Variants in GLB1 observed in about 807,000 individuals in gnomAD.
GLB1 encodes beta-galactosidase.
In GLB1, 56 loss-of-function variants were observed where a neutral mutation model predicts 74.0. That is an observed-to-expected ratio of 0.76 (90% CI 0.61 to 0.94). The LOEUF is 0.94. GLB1 is among the 40% of genes least tolerant of loss of function. The pLI is 0.00. For missense variants in GLB1, 787 were observed against 845.5 expected (o/e 0.93, Z 0.86); for synonymous variants, 323 against 323.6 (o/e 1.00, Z 0.02).
intron 15 of GLB1, among the ~76,000 whole-genome samples, chr3:32,998,584 T>G (rs1354269639): frequency 2.6e-5 from 4 of 151,050 alleles, no homozygotes; most frequent in Non-Finnish European, 4.4e-5. Context: ...GATGGACCAT[T>G]CTATTACAAA....
intron 7 of GLB1, 143 bp downstream of exon 7, chr3:33,053,348 T>C (rs1177954334): frequency 8.6e-7 from 1 of 1,158,944 alleles, no homozygotes; most frequent in Non-Finnish European, 1.3e-6. Context: ...GTCATTCACA[T>C]GTCCAGAATG....
chr3:32,993,529 T>A (rs1696260524), downstream of GLB1, among the ~76,000 whole-genome samples: 1 of 129,248 alleles, frequency 7.7e-6, no homozygotes, highest in Non-Finnish European at 1.7e-5. Context: ...CTAATTTTTT[T>A]TTTTTTTTTT....
At chr3:33,055,433 T>C (rs989165876) in intron 6 of GLB1, among the ~76,000 whole-genome samples, 1 of 151,010 alleles carries the variant, frequency 6.6e-6, no homozygotes, top group African/African-American at 2.4e-5. Flanking sequence ...GCAAAAGTAA[T>C]TGTGGTTTTT....
At position 33,065,467 on chromosome 3, in the gene GLB1, A is replaced by G; in HGVS notation, c.548T>C (p.Val183Ala). 2 of 1,578,812 alleles carry G rather than the reference A, an allele frequency of 1.3e-6. No homozygotes were observed. Among genetic ancestry groups the G allele is most frequent in the Non-Finnish European group, 1.7e-6 (2 of 1,159,040 alleles). Residue 183 changes from valine (V) to alanine (A), a missense_variant, in exon 5 of 16, where the codon GTG (valine) becomes GCG (alanine). Physicochemically the swap from Val to Ala is moderately conservative, Grantham distance 64. Coordinates refer to ENST00000307363, the MANE Select transcript of GLB1 (RefSeq NM_000404.4). ...LYQNGGPVIT[V>A]QVENEYGSYF... The stretch of plus-strand genomic sequence containing the variant: ...CATGCTCAACTCCAGGGTTACCTGC[A>G]CTGTTATAACTGGCCCTCCATTCTG...
chr3:33,091,496 CCTGTGCCCAA>C, intron 1 of GLB1: 1 of 985,500 alleles, frequency 1.0e-6, no homozygotes, highest in Non-Finnish European at 1.2e-6. Flanking sequence ...CCTCTGGGCA[CCTGTGCCCAA>C]CAGAGTTCCT....
At chr3:33,030,531 T>C (rs1388066914) in intron 10 of GLB1, 13 of 985,332 alleles carry the variant, frequency 1.3e-5, no homozygotes, top group African/African-American at 1.7e-5. Flanking sequence ...CAGCTGTGTC[T>C]GCGTATCAAG....
At chr3:33,091,400 C>T in intron 1 of GLB1, 1 of 985,546 alleles carries the variant, frequency 1.0e-6, no homozygotes, top group Non-Finnish European at 1.2e-6. Flanking sequence ...AAACCCCTAG[C>T]AGTTGCTGCT....
At chr3:32,964,713 T>G in the GLB1 span, among the ~76,000 whole-genome samples, 1 of 152,286 alleles carries the variant, frequency 6.6e-6, no homozygotes. Flanking sequence ...CCAAGAGAAA[T>G]GAAAACTTTG....
At chr3:32,987,392 T>A in the GLB1 span, among the ~76,000 whole-genome samples, 3,300 of 152,338 alleles carry the variant, frequency 0.022, 52 homozygotes, top group Non-Finnish European at 0.036. Context: ...GAAAGTAGTC[T>A]CCTTGCTTAC....
At position 33,033,938 on chromosome 3, in the gene GLB1, A is replaced by G. The variant is rs190970129; in HGVS notation, c.1069-9613T>C. The G allele has an allele frequency of 7.2e-6, 4 of 552,112 alleles. No individual in the cohort carries two copies. In the East Asian group the frequency reaches 1.9e-4, roughly 26 times the overall value. 34.2% of individuals were successfully genotyped at this position (552,112 alleles called of 1,614,324 possible). A position where few individuals can be genotyped will look rare whatever the true frequency, so the allele number is the denominator to read the frequency against. On this transcript the variant is annotated intron_variant, in intron 10 of 15. Coordinates refer to ENST00000307363, the MANE Select transcript of GLB1 (RefSeq NM_000404.4). ...TGATGCCCAGATGGACTACTATGGC[A>G]CCCGCCTGGCAACCTGCTCATCAGA...
intron 15 of GLB1, among the ~76,000 whole-genome samples, chr3:33,008,969 A>C (rs2125456515): frequency 6.6e-6 from 1 of 152,002 alleles, no homozygotes; most frequent in African/African-American, 2.4e-5. Context: ...AAAATACAAA[A>C]TTAGCCAGGC....
At chr3:33,052,369 C>T (rs894783422) in intron 7 of GLB1, among the ~76,000 whole-genome samples, 1 of 152,202 alleles carries the variant, frequency 6.6e-6, no homozygotes, top group Non-Finnish European at 1.5e-5. Flanking sequence ...CGCAGTGGCT[C>T]ATGCCTGTAA....
At chr3:33,069,004 T>C (rs774804212) in intron 2 of GLB1, 34 bp from the exon 3 acceptor site, 34 of 1,613,972 alleles carry the variant, frequency 2.1e-5, no homozygotes, top group South Asian at 1.3e-4. Flanking sequence ...TCCTGGATAC[T>C]TGGCAGAGTC....
At position 33,072,587 on chromosome 3, in the gene GLB1, G is replaced by C. The variant is rs72555370; in HGVS notation, c.202C>G (p.Arg68Gly). The change falls in exon 2 of 16, where the codon CGG becomes GGG. Residue 68 changes from arginine to glycine, a missense_variant. Physicochemically the swap from Arg to Gly is moderately radical, Grantham distance 125. Transcript: ENST00000307363. Reference sequence around the variant, plus strand: ...CCAGCCATCTTCATCTTCAGCAGCCGGTCCTTCCAGTAGAAGCGGGGCACA... The same window carrying C: ...CCAGCCATCTTCATCTTCAGCAGCCCGTCCTTCCAGTAGAAGCGGGGCACA... The part of the protein sequence containing the change: ...SRVPRFYWKD[R>G]LLKMKMAGLN... 23 of 1,613,962 alleles carry C rather than the reference G, an allele frequency of 1.4e-5. No homozygotes were observed. Among genetic ancestry groups the C allele is most frequent in the Non-Finnish European group, 1.9e-5 (23 of 1,180,042 alleles).
At position 33,064,776 on chromosome 3, in the gene GLB1, C is replaced by CA. The variant is rs36181668; in HGVS notation, c.552+686dup. Among the ~76,000 whole-genome samples the CA allele has an allele frequency of 5.0e-4, 32 of 64,558 alleles. 3 individuals carry two copies. The highest frequency in any genetic ancestry group is 2.8e-3 in the East Asian group (5 of 1,770). 42.4% of individuals were successfully genotyped at this position (64,558 alleles called of 152,430 possible). A position where few individuals can be genotyped will look rare whatever the true frequency, so the allele number is the denominator to read the frequency against. On this transcript the variant is annotated intron_variant, in intron 5 of 15. Coordinates refer to ENST00000307363, the MANE Select transcript of GLB1 (RefSeq NM_000404.4). ...TGGGCAACGGAATGAGACTCTCTCTCAAAAAAAAAAAAAAAAAAAAAAGAG... is the reference window on the plus strand; with the variant it reads ...TGGGCAACGGAATGAGACTCTCTCTCAAAAAAAAAAAAAAAAAAAAAAAGAG...
At chr3:32,972,650 C>A in the GLB1 span, among the ~76,000 whole-genome samples, 1 of 152,172 alleles carries the variant, frequency 6.6e-6, no homozygotes, top group Non-Finnish European at 1.5e-5. Context: ...AGACATCAGC[C>A]ACTGCTGTTT....
chr3:33,022,135 AT>A (rs1251487694), intron 11 of GLB1, among the ~76,000 whole-genome samples: 1 of 152,154 alleles, frequency 6.6e-6, no homozygotes, highest in East Asian at 1.9e-4. Context: ...TGTGTGGCAT[AT>A]CTTCCATGCC....
At chr3:33,030,350 G>A (rs1342796125) in intron 10 of GLB1, among the ~76,000 whole-genome samples, 1 of 152,238 alleles carries the variant, frequency 6.6e-6, no homozygotes, top group African/African-American at 2.4e-5. Flanking sequence ...ATCACTCTGG[G>A]AGAGGGACTA....
At chr3:33,074,824 G>T (rs1183103888) in intron 1 of GLB1, among the ~76,000 whole-genome samples, 3 of 152,198 alleles carry the variant, frequency 2.0e-5, no homozygotes, top group African/African-American at 7.2e-5. Context: ...TTTGGGGGTT[G>T]CCCTTGAAGC....
Sources: allele counts gnomAD v4.1 joint callset (sites outside exome capture counted in the v4.1 genomes callset), GRCh38; gene constraint gnomAD v4.1.1; transcripts MANE v1.5; gene names NCBI Gene and HGNC (gene_info 2026-07-23, HGNC 2026-07-21).